GLG1: variants seen among roughly 807,000 people sequenced by gnomAD.
The protein encoded by GLG1 is Golgi apparatus protein 1.
In GLG1, 38 loss-of-function variants were observed where a neutral mutation model predicts 160.5. The observed-to-expected ratio is 0.24, with a 90% CI of 0.18 to 0.31. GLG1 has a LOEUF of 0.31. Among genes scored for constraint, GLG1 ranks in the 10% least tolerant of loss-of-function variants. The probability of loss-of-function intolerance (pLI) is 1.00; values close to 1 mark genes in which losing one functional copy is unlikely to be tolerated. For synonymous variants in GLG1, 644 were observed against 543.4 expected (o/e 1.19, Z -2.57); for missense variants, 1,373 against 1,505.2 (o/e 0.91, Z 1.45).
At chr16:74,589,145 C>T (rs1958118180) in intron 1 of GLG1, among the ~76,000 whole-genome samples, 1 of 151,644 alleles carries the variant, frequency 6.6e-6, no homozygotes, top group Non-Finnish European at 1.5e-5. Flanking sequence ...ATCCCAGCTA[C>T]TCGAGAGGCT....
At chr16:74,465,856 C>A in intron 18 of GLG1, 43 bp from the exon 19 acceptor site, 4 of 1,572,904 alleles carry the variant, frequency 2.5e-6, no homozygotes, top group Non-Finnish European at 3.5e-6. Context: ...ATGTCAGAGA[C>A]TGCTCATCCA....
intron 8 of GLG1, among the ~76,000 whole-genome samples, chr16:74,487,630 T>C (rs2015839696): frequency 2.6e-5 from 4 of 152,022 alleles, no homozygotes; most frequent in South Asian, 4.1e-4. Context: ...ACTTATGACA[T>C]TTGTTGACAA....
intron 6 of GLG1, among the ~76,000 whole-genome samples, chr16:74,494,036 G>A (rs190497410): frequency 1.9e-4 from 29 of 151,996 alleles, no homozygotes; most frequent in Non-Finnish European, 3.5e-4. Flanking sequence ...TTAGCTGGGC[G>A]TGTTGTCAGG....
At chr16:74,462,885 G>A in intron 20 of GLG1, 1 of 499,560 alleles carries the variant, frequency 2.0e-6, no homozygotes, top group South Asian at 2.5e-5. Flanking sequence ...AATACTCTAA[G>A]GAGTCCTCAG....
chr16:74,475,385 A>G (rs2015360801), intron 12 of GLG1, among the ~76,000 whole-genome samples: 1 of 151,994 alleles, frequency 6.6e-6, no homozygotes, highest in Admixed American at 6.5e-5. Flanking sequence ...TTATTTTAAG[A>G]CTCTTTATTG....
In GLG1 at chr16:74,541,063, C is replaced by T. The variant is rs938486041; in HGVS notation, c.439-8910G>A. Among the ~76,000 whole-genome samples the T allele has an allele frequency of 2.9e-4, 44 of 152,166 alleles. 1 individual carries two copies. Among genetic ancestry groups the T allele is most frequent in the Non-Finnish European group, 4.7e-4 (32 of 68,034 alleles). On this transcript the variant is annotated intron_variant, in intron 1 of 25. Transcript: ENST00000422840. ...TTCTTCTGCCGGGTGTGGTGGCTCACGTCTGTAATCCCTGCACTTTGGGAG... is the reference window on the plus strand; with the variant it reads ...TTCTTCTGCCGGGTGTGGTGGCTCATGTCTGTAATCCCTGCACTTTGGGAG...
intron 8 of GLG1, among the ~76,000 whole-genome samples, chr16:74,486,309 C>A (rs956973155): frequency 6.6e-6 from 1 of 152,160 alleles, no homozygotes; most frequent in African/African-American, 2.4e-5. Flanking sequence ...CACTTAGAGA[C>A]CTAATTGGGT....
chr16:74,581,161 A>C (rs1298065347), intron 1 of GLG1, among the ~76,000 whole-genome samples: 1 of 152,190 alleles, frequency 6.6e-6, no homozygotes, highest in Non-Finnish European at 1.5e-5. Context: ...AAAAAAAGTG[A>C]ACACAGGGTC....
chr16:74,465,237 G>T (rs1413061345), intron 19 of GLG1, among the ~76,000 whole-genome samples: 1 of 152,238 alleles, frequency 6.6e-6, no homozygotes. Context: ...AGGAGGGAAT[G>T]AAGCAAAACA....
intron 3 of GLG1, among the ~76,000 whole-genome samples, chr16:74,506,607 C>CAAAAAAAAAAG (rs1567489940): frequency 1.6e-5 from 2 of 126,774 alleles, no homozygotes; most frequent in Non-Finnish European, 3.2e-5. Flanking sequence ...AAAAAAAACT[C>CAAAAAAAAAAG]AAGAGAAACC....
rs1057362906 is a variant in GLG1 at position 74,490,894 on chromosome 16, T to C, written c.1449+107A>G. 4.6e-5 allele frequency: 34 copies of C among 743,792 alleles called. No individual in the cohort carries two copies. In the East Asian group the frequency reaches 8.0e-4, roughly 17 times the overall value. 46.1% of individuals were successfully genotyped at this position (743,792 alleles called of 1,614,324 possible). A position where few individuals can be genotyped will look rare whatever the true frequency, so the allele number is the denominator to read the frequency against. On this transcript the variant is annotated intron_variant, in intron 8 of 25. Coordinates refer to ENST00000422840, the MANE Select transcript of GLG1 (RefSeq NM_001145667.2). ...CTGATCATTAGTACCTAATGTTCAA[T>C]GTGATACCACAGATGATCCATATAA...
At chr16:74,505,529 C>G (rs9933999) in intron 3 of GLG1, among the ~76,000 whole-genome samples, 150,830 of 152,286 alleles carry the variant, frequency 0.99, 74,727 homozygotes, top group East Asian at 1. Context: ...AGACCAGCCT[C>G]GCCAACATGG....
chr16:74,522,725 C>G (rs2017208580), intron 2 of GLG1, among the ~76,000 whole-genome samples: 2 of 152,224 alleles, frequency 1.3e-5, no homozygotes, highest in Non-Finnish European at 2.9e-5. Flanking sequence ...GCTCTGTCAC[C>G]CAGCCTGGAG....
chr16:74,469,098 C>G (rs2015105203), intron 16 of GLG1, 35 bp from the exon 17 acceptor site: 1 of 1,410,476 alleles, frequency 7.1e-7, no homozygotes, highest in African/African-American at 1.4e-5. Flanking sequence ...TGGCTGGGGC[C>G]ACACAAGGGC....
intron 6 of GLG1, among the ~76,000 whole-genome samples, chr16:74,494,489 C>A (rs2016114751): frequency 1.4e-5 from 2 of 147,814 alleles, no homozygotes; most frequent in African/African-American, 2.5e-5. Flanking sequence ...TCACTGCAAC[C>A]TCCACCTCCT....
At chr16:74,560,356 C>G (rs1485312368) in intron 1 of GLG1, among the ~76,000 whole-genome samples, 6 of 126,826 alleles carry the variant, frequency 4.7e-5, no homozygotes, top group African/African-American at 1.6e-4. Flanking sequence ...GAGACGGAGT[C>G]TCACTCTGTC....
intron 1 of GLG1, among the ~76,000 whole-genome samples, chr16:74,592,570 T>C (rs552434940): frequency 1.3e-5 from 2 of 152,242 alleles, no homozygotes; most frequent in South Asian, 4.1e-4. Flanking sequence ...TCTCGAATGA[T>C]CTCACCTATA....
chr16:74,466,278 A>G (rs1380426294), intron 18 of GLG1, among the ~76,000 whole-genome samples: 1 of 152,244 alleles, frequency 6.6e-6, no homozygotes, highest in Non-Finnish European at 1.5e-5. Flanking sequence ...TCACAGCTAC[A>G]CAGGGCAAAC....
At chr16:74,604,937 T>A (rs1231641993) in intron 1 of GLG1, among the ~76,000 whole-genome samples, 1 of 152,084 alleles carries the variant, frequency 6.6e-6, no homozygotes, top group African/African-American at 2.4e-5. Context: ...TAGTCCCAGG[T>A]ACTCAGGTGG....
Sources: allele counts gnomAD v4.1 joint callset (sites outside exome capture counted in the v4.1 genomes callset), GRCh38; gene constraint gnomAD v4.1.1; transcripts MANE v1.5; gene names NCBI Gene and HGNC (gene_info 2026-07-23, HGNC 2026-07-21).